The following RIMBP2 variants were observed in gnomAD, a reference collection of about 807,000 sequenced individuals.
RIMBP2 encodes RIMS-binding protein 2.
In RIMBP2, 48 loss-of-function variants were observed where a neutral mutation model predicts 118.6. That is an observed-to-expected ratio of 0.40 (90% CI 0.32 to 0.51). RIMBP2 has a LOEUF of 0.51. RIMBP2 is among the 20% of genes least tolerant of loss of function. The pLI is 0.41. For synonymous variants in RIMBP2, 762 were observed against 742.9 expected (o/e 1.03, Z -0.42); for missense variants, 1,551 against 1,768.3 (o/e 0.88, Z 2.20).
chr12:130,463,446 G>A (rs1359829433), intron 6 of RIMBP2, among the ~76,000 whole-genome samples: 1 of 152,152 alleles, frequency 6.6e-6, no homozygotes, highest in Non-Finnish European at 1.5e-5. Context: ...CGCAAATGTG[G>A]ATGTGGCTAT....
Position 130,594,047 on chromosome 12 carries a change from T to C in RIMBP2, c.-217+34275A>G, listed in dbSNP as rs7959869. On this transcript the variant is annotated intron_variant, in intron 2 of 22. Coordinates refer to ENST00000690449, the MANE Select transcript of RIMBP2 (RefSeq NM_001393629.1). ...TGATCCATAAAACATTCAACACCAA[T>C]AATTTCCTTTTACCCTCCTAACATT... 3.6e-3 allele frequency among the ~76,000 whole-genome samples: 549 copies of C among 152,346 alleles called. 2 individuals carry two copies. The highest frequency in any genetic ancestry group is 0.012 in the African/African-American group (519 of 41,586).
chr12:130,680,541 G>A (rs2064731411), intron 1 of RIMBP2, among the ~76,000 whole-genome samples: 1 of 152,140 alleles, frequency 6.6e-6, no homozygotes, highest in African/African-American at 2.4e-5. Context: ...AAAGGCTCTC[G>A]CTCAAATAAC....
rs1013518907 is a variant in RIMBP2 at position 130,396,577 on chromosome 12, G to C, written c.*784C>G. The stretch of plus-strand genomic sequence containing the variant: ...TGTGCCATTCATTGCTGTGTATTTG[G>C]GTATGGCATTTTGACAACGAAAGTA... On this transcript the variant is annotated 3_prime_UTR_variant, in exon 23 of 23. Transcript: ENST00000690449. 5.2e-5 allele frequency: 8 copies of C among 152,588 alleles called. No individual in the cohort carries two copies. Among genetic ancestry groups the C allele is most frequent in the African/African-American group, 1.9e-4 (8 of 41,446 alleles). 9.5% of individuals were successfully genotyped at this position (152,588 alleles called of 1,614,324 possible). A position where few individuals can be genotyped will look rare whatever the true frequency, so the allele number is the denominator to read the frequency against.
chr12:130,408,152 G>A (rs1318054828), intron 19 of RIMBP2, among the ~76,000 whole-genome samples: 1 of 152,194 alleles, frequency 6.6e-6, no homozygotes, highest in Non-Finnish European at 1.5e-5. Context: ...GACGGCTTTG[G>A]CCAGCACGGG....
intron 22 of RIMBP2, chr12:130,399,193 A>AAT: frequency 4.0e-6 from 5 of 1,239,664 alleles, no homozygotes; most frequent in Non-Finnish European, 5.3e-6. Context: ...AAGAAATAAA[A>AAT]ATATATATAT....
intron 2 of RIMBP2, among the ~76,000 whole-genome samples, chr12:130,563,470 T>C (rs1181069172): frequency 6.6e-6 from 1 of 152,242 alleles, no homozygotes; most frequent in Non-Finnish European, 1.5e-5. Flanking sequence ...AGGATTCTTC[T>C]ACAATTATTA....
At chr12:130,695,516 AG>A (rs2065523303) in intron 1 of RIMBP2, among the ~76,000 whole-genome samples, 1 of 152,196 alleles carries the variant, frequency 6.6e-6, no homozygotes, top group Non-Finnish European at 1.5e-5. Flanking sequence ...CCAAAGTGGG[AG>A]GTTCGCTCGA....
chr12:130,510,193 G>T (rs1048149466), intron 3 of RIMBP2, among the ~76,000 whole-genome samples: 1 of 152,196 alleles, frequency 6.6e-6, no homozygotes. Context: ...TACAAACGGC[G>T]CCAGAAGCTA....
At chr12:130,672,755 C>T (rs1241797728) in intron 1 of RIMBP2, among the ~76,000 whole-genome samples, 1 of 152,180 alleles carries the variant, frequency 6.6e-6, no homozygotes, top group African/African-American at 2.4e-5. Context: ...GAATGGGTGT[C>T]GCCGGAGCCT....
intron 2 of RIMBP2, among the ~76,000 whole-genome samples, chr12:130,579,191 G>C (rs753697652): frequency 6.6e-6 from 1 of 152,186 alleles, no homozygotes; most frequent in Non-Finnish European, 1.5e-5. Flanking sequence ...CTGGTTGTGC[G>C]ATCTTGGATC....
At chr12:130,582,594 A>C (rs778185675) in intron 2 of RIMBP2, among the ~76,000 whole-genome samples, 8 of 152,240 alleles carry the variant, frequency 5.3e-5, no homozygotes, top group Non-Finnish European at 1.0e-4. Context: ...TTCTTAAGCC[A>C]TAACATCTTA....
intron 2 of RIMBP2, among the ~76,000 whole-genome samples, chr12:130,584,277 T>C: frequency 2.3e-5 from 1 of 43,104 alleles, no homozygotes; most frequent in Non-Finnish European, 4.7e-5. Context: ...CACCATCACC[T>C]CATCGCCATC....
intron 17 of RIMBP2, among the ~76,000 whole-genome samples, chr12:130,415,047 A>C (rs1330417722): frequency 6.6e-6 from 1 of 152,222 alleles, no homozygotes; most frequent in Non-Finnish European, 1.5e-5. Flanking sequence ...ACCCTAACTC[A>C]TTCTATGAAG....
At chr12:130,627,049 C>A (rs12424594) in intron 2 of RIMBP2, among the ~76,000 whole-genome samples, 103,804 of 151,776 alleles carry the variant, frequency 0.68, 36,568 homozygotes, top group Non-Finnish European at 0.76. Context: ...CACCAGCATC[C>A]CCATCTCCTC....
At chr12:130,676,305 A>G (rs1327502799) in intron 1 of RIMBP2, among the ~76,000 whole-genome samples, 2 of 138,258 alleles carry the variant, frequency 1.4e-5, no homozygotes, top group Non-Finnish European at 3.0e-5. Flanking sequence ...AATGTCCCTC[A>G]GTGGAGGATG....
chr12:130,693,486 C>G, intron 1 of RIMBP2, among the ~76,000 whole-genome samples: 1 of 152,154 alleles, frequency 6.6e-6, no homozygotes, highest in East Asian at 1.9e-4. Context: ...ACCCCCAAAG[C>G]CAGTGATGCC....
chr12:130,589,504 G>A (rs1037202551), intron 2 of RIMBP2, among the ~76,000 whole-genome samples: 1 of 152,168 alleles, frequency 6.6e-6, no homozygotes, highest in Non-Finnish European at 1.5e-5. Flanking sequence ...GTCAGCCCCA[G>A]GACGAGATGA....
rs1220652202 is a variant in RIMBP2, at chr12:130,622,748, G to C, written c.-217+5574C>G. On this transcript the variant is annotated intron_variant, in intron 2 of 22. Transcript: ENST00000690449. This position sits in a 1 kb window ranked among gnomAD's most constrained non-coding sequence, Gnocchi z 8.5. ...CCTGTACAACACTCTTGGAAATATTGGGCTAGTTGGCAGATTTAGGCAATG... is the reference window on the plus strand; with the variant it reads ...CCTGTACAACACTCTTGGAAATATTCGGCTAGTTGGCAGATTTAGGCAATG... Among the ~76,000 whole-genome samples, 5 of 152,062 alleles carry C rather than the reference G, an allele frequency of 3.3e-5. No homozygotes were observed. The highest frequency in any genetic ancestry group is 6.5e-5 in the Admixed American group (1 of 15,272).
At chr12:130,430,740 C>T (rs1377579629) in intron 14 of RIMBP2, 1 of 146,892 alleles carries the variant, frequency 6.8e-6, no homozygotes, top group East Asian at 2.1e-4. Context: ...AAGCAATTCT[C>T]GTGCCTCAGC....
Sources: allele counts gnomAD v4.1 joint callset (sites outside exome capture counted in the v4.1 genomes callset), GRCh38; gene constraint gnomAD v4.1.1; non-coding constraint Gnocchi (gnomAD v3.1); transcripts MANE v1.5; gene names NCBI Gene and HGNC (gene_info 2026-07-23, HGNC 2026-07-21).